Variants in STARD13 observed in about 807,000 individuals in gnomAD.
The protein encoded by STARD13 is stAR-related lipid transfer protein 13.
A neutral mutation model predicts 106.4 loss-of-function variants in STARD13; 62 were observed. The ratio of observed to expected loss-of-function variants is 0.58; its 90% confidence interval spans 0.48 to 0.72. The LOEUF (loss-of-function observed/expected upper bound fraction) is 0.72. Among genes scored for constraint, STARD13 ranks in the 30% least tolerant of loss-of-function variants. The probability of loss-of-function intolerance (pLI) is 0.00; values close to 1 mark genes in which losing one functional copy is unlikely to be tolerated. For missense variants in STARD13, 1,387 were observed against 1,424.0 expected (o/e 0.97, Z 0.42); for synonymous variants, 565 against 553.0 (o/e 1.02, Z -0.31).
chr13:33,443,450 TC>T, the STARD13 span, among the ~76,000 whole-genome samples: 332 of 20,336 alleles, frequency 0.016, 2 homozygotes, highest in East Asian at 0.038. Flanking sequence ...ATAAAAAGGG[TC>T]CCCCCCCCAA....
At chr13:33,170,645 G>C (rs893582264) in intron 1 of STARD13, among the ~76,000 whole-genome samples, 1 of 152,110 alleles carries the variant, frequency 6.6e-6, no homozygotes, top group Non-Finnish European at 1.5e-5. Context: ...ATTAGAAGCA[G>C]CCCTGTCCTA....
At chr13:33,338,509 T>C (rs1011755396) in intron 1 of STARD13, among the ~76,000 whole-genome samples, 2 of 152,138 alleles carry the variant, frequency 1.3e-5, no homozygotes, top group South Asian at 2.1e-4. Flanking sequence ...GAAAGATTCA[T>C]GATATAACAC....
the STARD13 span, among the ~76,000 whole-genome samples, chr13:33,498,902 C>T: frequency 1.3e-5 from 2 of 152,186 alleles, no homozygotes; most frequent in African/African-American, 4.8e-5. Context: ...CTTTCGGAGG[C>T]CGAGGCAGGC....
the STARD13 span, among the ~76,000 whole-genome samples, chr13:33,506,529 A>G: frequency 6.6e-6 from 1 of 152,164 alleles, no homozygotes; most frequent in African/African-American, 2.4e-5. Flanking sequence ...AATGGTGTTG[A>G]TCCAAATGGA....
the STARD13 span, among the ~76,000 whole-genome samples, chr13:33,675,559 G>C: frequency 6.6e-6 from 1 of 152,116 alleles, no homozygotes; most frequent in East Asian, 1.9e-4. Flanking sequence ...GGATGAGAAA[G>C]GATATGGAGC....
chr13:33,444,506 C>A, the STARD13 span, among the ~76,000 whole-genome samples: 21 of 152,290 alleles, frequency 1.4e-4, no homozygotes, highest in African/African-American at 5.1e-4. Context: ...TGGCTCATGC[C>A]TGTAATCCCA....
Position 33,134,888 on chromosome 13 carries a change from A to G in STARD13, c.388-4599T>C, listed in dbSNP as rs1441582850. 2.0e-5 allele frequency among the ~76,000 whole-genome samples: 3 copies of G among 152,252 alleles called. No homozygotes were observed. The East Asian group carries it at 5.8e-4, about 29-fold the overall frequency. ...AGTTCAACAGCCCTTCCTGCTATTA[A>G]TAGTCTTGAGAGTTCTGGCAGATGT... On this transcript the variant is annotated intron_variant, in intron 4 of 13. Transcript: ENST00000336934.
the STARD13 span, among the ~76,000 whole-genome samples, chr13:33,453,405 C>G: frequency 6.6e-6 from 1 of 152,172 alleles, no homozygotes; most frequent in Non-Finnish European, 1.5e-5. Context: ...GGCACCAGCT[C>G]AAGTAACTTC....
chr13:33,672,210 T>C, the STARD13 span, among the ~76,000 whole-genome samples: 1 of 152,348 alleles, frequency 6.6e-6, no homozygotes, highest in African/African-American at 2.4e-5. Context: ...TTCATGTCCT[T>C]TGCAGGGACA....
At chr13:33,267,369 C>A (rs1197387801) in intron 1 of STARD13, among the ~76,000 whole-genome samples, 1 of 152,146 alleles carries the variant, frequency 6.6e-6, no homozygotes, top group Non-Finnish European at 1.5e-5. Context: ...AGCAATGGAA[C>A]AATAAACCTT....
At chr13:33,546,913 T>A in the STARD13 span, among the ~76,000 whole-genome samples, 1 of 152,190 alleles carries the variant, frequency 6.6e-6, no homozygotes, top group Non-Finnish European at 1.5e-5. Flanking sequence ...GAGATACTTT[T>A]TTTTGGAATA....
the STARD13 span, among the ~76,000 whole-genome samples, chr13:33,672,345 T>C: frequency 2.6e-4 from 40 of 152,116 alleles, no homozygotes; most frequent in African/African-American, 9.2e-4. Flanking sequence ...GAAGGGAACA[T>C]CACACACTGG....
Position 33,112,849 on chromosome 13 carries a change from C to T in STARD13, c.2364G>A (p.Thr788=), listed in dbSNP as rs769895350. The T allele has an allele frequency of 2.8e-5, 45 of 1,613,866 alleles. No homozygotes were observed. The highest frequency in any genetic ancestry group is 1.9e-4 in the African/African-American group (14 of 74,958). ...CGACGTCGTTCAGGAAACACAAGAG[C>T]GTCTGCAGGACCTCCCTGTTCTCAT... The part of the protein sequence containing the change: ...LADENREVLQ[T]LLCFLNDVVN... Residue 788 remains threonine, a synonymous_variant, in exon 9 of 14, where the codon ACG becomes ACA. Coordinates refer to ENST00000336934, the MANE Select transcript of STARD13 (RefSeq NM_178006.4).
chr13:33,591,351 C>A, the STARD13 span, among the ~76,000 whole-genome samples: 1 of 152,200 alleles, frequency 6.6e-6, no homozygotes, highest in Non-Finnish European at 1.5e-5. Flanking sequence ...TTTGGAAACT[C>A]ATTTTCAGTA....
At chr13:33,235,679 G>A (rs1047333800) in intron 1 of STARD13, among the ~76,000 whole-genome samples, 13 of 152,124 alleles carry the variant, frequency 8.5e-5, no homozygotes, top group African/African-American at 3.1e-4. Context: ...GAGGCCTTGA[G>A]GACACCAGGA....
the STARD13 span, among the ~76,000 whole-genome samples, chr13:33,489,787 T>C: frequency 1.3e-5 from 2 of 152,206 alleles, no homozygotes; most frequent in Non-Finnish European, 2.9e-5. Flanking sequence ...AAGTTTTCTT[T>C]TCTTTATCTC....
chr13:33,233,398 C>A (rs73465051), intron 1 of STARD13, among the ~76,000 whole-genome samples: 1 of 152,186 alleles, frequency 6.6e-6, no homozygotes, highest in Non-Finnish European at 1.5e-5. Flanking sequence ...TATAAAGACC[C>A]CAGACTCAGT....
chr13:33,609,704 T>C, the STARD13 span, among the ~76,000 whole-genome samples: 1 of 152,082 alleles, frequency 6.6e-6, no homozygotes, highest in South Asian at 2.1e-4. Context: ...ATAGCTGGGA[T>C]TACAGGCACC....
chr13:33,341,670 C>A (rs2077962978), intron 1 of STARD13, among the ~76,000 whole-genome samples: 1 of 152,122 alleles, frequency 6.6e-6, no homozygotes, highest in African/African-American at 2.4e-5. Context: ...AGAGCAGCCA[C>A]CAGCAATTAA....
Sources: gnomAD v4.1 joint callset for allele counts (sites outside exome capture counted in the v4.1 genomes callset) on GRCh38, gnomAD v4.1.1 for gene constraint, MANE v1.5 for transcripts, NCBI Gene and HGNC (gene_info 2026-07-23, HGNC 2026-07-21) for gene names.